SEL1L3: variants seen among roughly 807,000 people sequenced by gnomAD.
The protein encoded by SEL1L3 is protein sel-1 homolog 3.
SEL1L3 carries 76 observed loss-of-function variants against 142.8 expected under a neutral mutation model. The observed-to-expected ratio is 0.53, with a 90% CI of 0.44 to 0.64. SEL1L3 has a LOEUF of 0.64. Among genes scored for constraint, SEL1L3 ranks in the 30% least tolerant of loss-of-function variants. The pLI is 0.00. For synonymous variants in SEL1L3, 504 were observed against 519.6 expected (o/e 0.97, Z 0.41); for missense variants, 1,262 against 1,381.7 (o/e 0.91, Z 1.37).
chr4:25,741,009 T>C, the SEL1L3 span, among the ~76,000 whole-genome samples: 1 of 152,108 alleles, frequency 6.6e-6, no homozygotes, highest in Non-Finnish European at 1.5e-5. Context: ...GGTCTTGAAC[T>C]CCTGACCTCA....
At chr4:25,760,712 TCA>T (rs1334571881) in intron 20 of SEL1L3, among the ~76,000 whole-genome samples, 1 of 152,218 alleles carries the variant, frequency 6.6e-6, no homozygotes, top group East Asian at 1.9e-4. Flanking sequence ...ATGAAAATCA[TCA>T]TTTACCAGGT....
chr4:25,739,065 A>T, the SEL1L3 span, among the ~76,000 whole-genome samples: 1 of 151,992 alleles, frequency 6.6e-6, no homozygotes, highest in Admixed American at 6.6e-5. Flanking sequence ...AAAATTAGCC[A>T]GGCATGGTGG....
intron 4 of SEL1L3, 137 bp downstream of exon 4, chr4:25,833,311 G>A: frequency 1.2e-6 from 1 of 817,996 alleles, no homozygotes; most frequent in East Asian, 2.6e-5. Context: ...TAAATTTGAA[G>A]CCCACATTTG....
At chr4:25,769,963 C>A (rs1719038894) in intron 17 of SEL1L3, among the ~76,000 whole-genome samples, 1 of 151,918 alleles carries the variant, frequency 6.6e-6, no homozygotes, top group African/African-American at 2.4e-5. Context: ...CCTGTCTCTA[C>A]TAAAACACAA....
chr4:25,785,910 C>T (rs1186327300), intron 13 of SEL1L3, among the ~76,000 whole-genome samples: 1 of 152,126 alleles, frequency 6.6e-6, no homozygotes, highest in Non-Finnish European at 1.5e-5. Context: ...CAATGACAAC[C>T]CACACACTCT....
the SEL1L3 span, among the ~76,000 whole-genome samples, chr4:25,724,958 G>A: frequency 1.3e-5 from 2 of 151,750 alleles, no homozygotes; most frequent in South Asian, 2.1e-4. Context: ...CAAATCTGTC[G>A]GGCATGTCTG....
chr4:25,748,422 A>G lies in SEL1L3; in HGVS notation c.*3T>C. ...TCATCTGGAGAGAACTGGAGTGCAC[A>G]GTTCACCCACGTGGCTCCGGGTTAT... On this transcript the variant is annotated 3_prime_UTR_variant, in exon 24 of 24. Transcript: ENST00000399878. 9 of 1,606,872 alleles carry G rather than the reference A, an allele frequency of 5.6e-6. No homozygotes were observed. Among genetic ancestry groups the G allele is most frequent in the Non-Finnish European group, 7.6e-6 (9 of 1,176,892 alleles).
chr4:25,846,780 G>T (rs748845403), intron 2 of SEL1L3, among the ~76,000 whole-genome samples: 99 of 151,892 alleles, frequency 6.5e-4, no homozygotes, highest in Non-Finnish European at 9.1e-4. Flanking sequence ...ATGGTGGTGG[G>T]TGCCTGTAAT....
downstream of SEL1L3, among the ~76,000 whole-genome samples, chr4:25,745,453 A>C (rs1717232401): frequency 6.6e-6 from 1 of 151,976 alleles, no homozygotes; most frequent in Admixed American, 6.6e-5. Context: ...AGCTGCATTC[A>C]GTGAGGTTGC....
chr4:25,836,839 T>C (rs918747679), intron 2 of SEL1L3, among the ~76,000 whole-genome samples: 1 of 152,158 alleles, frequency 6.6e-6, no homozygotes, highest in Non-Finnish European at 1.5e-5. Flanking sequence ...ACATCCCAGC[T>C]CTCATTTCCC....
intron 9 of SEL1L3, among the ~76,000 whole-genome samples, chr4:25,811,685 A>G (rs1714031838): frequency 6.6e-6 from 1 of 152,158 alleles, no homozygotes; most frequent in Non-Finnish European, 1.5e-5. Flanking sequence ...CAAACAAACA[A>G]AAAACAACAA....
chr4:25,847,195 C>T, intron 2 of SEL1L3, 99 bp downstream of exon 2: 1 of 948,582 alleles, frequency 1.1e-6, no homozygotes, highest in Non-Finnish European at 1.6e-6. Context: ...TTCCCTGTAT[C>T]CCCCTTCGCT....
chr4:25,731,650 G>A, the SEL1L3 span, among the ~76,000 whole-genome samples: 1,469 of 152,306 alleles, frequency 9.6e-3, 31 homozygotes, highest in African/African-American at 0.033. Flanking sequence ...TGTGTTACGT[G>A]TGTATTAATA....
chr4:25,831,149 C>T (rs541794335), intron 5 of SEL1L3, among the ~76,000 whole-genome samples: 2 of 152,290 alleles, frequency 1.3e-5, no homozygotes, highest in East Asian at 1.9e-4. Context: ...AAGTTTATCT[C>T]CTTCATTAAA....
chr4:25,800,562 T>C lies in SEL1L3; in HGVS notation c.1956+1721A>G. On this transcript the variant is annotated intron_variant, in intron 11 of 23. Coordinates refer to ENST00000399878, the MANE Select transcript of SEL1L3 (RefSeq NM_015187.5). ...TATGCTGAATTTGAATTCTTAAAAG[T>C]ATAACATATACATGTAGAACATTAT... is the stretch of plus-strand genomic sequence containing the variant. Among the ~76,000 whole-genome samples the C allele has an allele frequency of 1.3e-5, 2 of 152,212 alleles. 1 individual carries two copies. The highest frequency in any genetic ancestry group is 2.9e-5 in the Non-Finnish European group (2 of 68,040).
intron 21 of SEL1L3, among the ~76,000 whole-genome samples, chr4:25,758,381 G>A (rs567088318): frequency 6.6e-6 from 1 of 152,282 alleles, no homozygotes; most frequent in East Asian, 1.9e-4. Context: ...TGAGGCATGA[G>A]AATCACTTGA....
At chr4:25,779,670 A>C (rs1017798780) in intron 15 of SEL1L3, among the ~76,000 whole-genome samples, 2 of 152,244 alleles carry the variant, frequency 1.3e-5, no homozygotes, top group Non-Finnish European at 2.9e-5. Context: ...TGGGAGGGTT[A>C]GCACACATTT....
rs753655946 is a variant in SEL1L3 at position 25,833,460 on chromosome 4, G to A, written c.970C>T (p.Leu324Phe). The change falls in exon 4 of 24, where the codon CTT becomes TTT. Residue 324 changes from leucine (L) to phenylalanine (F), a missense_variant. Around this residue, in one of 3 missense-constraint regions of SEL1L3, gnomAD observed 689 missense variants for 692.8 expected, o/e 0.99. Transcript: ENST00000399878. ...GTTTTATACTCACCCTCTTCCGTAA[G>A]AAATACAGAAGGTGTGCCGTACATC... The part of the protein sequence containing the change: ...NEMYGTPSVF[L>F]TEEGYLHIQM... 1.6e-5 allele frequency: 26 copies of A among 1,610,928 alleles called. No homozygotes were observed. The highest frequency in any genetic ancestry group is 1.1e-5 in the South Asian group (1 of 90,478).
chr4:25,768,893 A>G (rs1221813625), intron 17 of SEL1L3, among the ~76,000 whole-genome samples: 1 of 152,142 alleles, frequency 6.6e-6, no homozygotes, highest in Non-Finnish European at 1.5e-5. Context: ...GCACACACAT[A>G]TACATGCAGA....
Sources: allele counts gnomAD v4.1 joint callset (sites outside exome capture counted in the v4.1 genomes callset), GRCh38; gene constraint gnomAD v4.1.1; regional missense constraint gnomAD v4.1.1; transcripts MANE v1.5; gene names NCBI Gene and HGNC (gene_info 2026-07-23, HGNC 2026-07-21).